The following NBEAL1 variants were observed in gnomAD, a reference collection of about 807,000 sequenced individuals.
NBEAL1 encodes neurobeachin-like protein 1.
NBEAL1 carries 273 observed loss-of-function variants against 351.3 expected under a neutral mutation model. The observed-to-expected ratio is 0.78, with a 90% CI of 0.70 to 0.86. The LOEUF (loss-of-function observed/expected upper bound fraction) is 0.86, where lower values mean the gene tolerates loss of function less well. Ranked by LOEUF, NBEAL1 falls within the 40% of genes least tolerant of loss-of-function variation. NBEAL1 has a pLI of 0.00. For synonymous variants in NBEAL1, 1,050 were observed against 1,086.4 expected, an observed-to-expected ratio of 0.97 and a Z score of 0.66; for missense variants, 2,961 against 3,201.3, an observed-to-expected ratio of 0.92 and a Z score of 1.81.
Position 203,130,619 on chromosome 2 carries a change from C to T in NBEAL1, c.3564+143C>T, listed in dbSNP as rs544947393. On this transcript the variant is annotated intron_variant, in intron 25 of 55. Coordinates refer to ENST00000683969, the MANE Select transcript of NBEAL1 (RefSeq NM_001378026.1). ...TCAACTTATTTTTATATATAGTTTTCATGTTTCAGTTGTTTGCATATTAAA... is the reference window on the plus strand; with the variant it reads ...TCAACTTATTTTTATATATAGTTTTTATGTTTCAGTTGTTTGCATATTAAA... The T allele has an allele frequency of 5.9e-5, 31 of 528,468 alleles. 2 individuals carry two copies. The South Asian group carries it at 2.6e-3, about 44-fold the overall frequency. The allele number at this position is 528,468 out of a possible 1,614,324, so 32.7% of individuals were successfully genotyped here. A position where few individuals can be genotyped will look rare whatever the true frequency, so the allele number is the denominator to read the frequency against.
intron 10 of NBEAL1, chr2:203,085,703 G>T (rs1399107113): frequency 1.3e-5 from 2 of 151,952 alleles, no homozygotes; most frequent in African/African-American, 4.8e-5. Context: ...CCCTTTCAGG[G>T]TCAAATAACA....
Position 203,167,343 on chromosome 2 carries a change from C to T in NBEAL1, c.5980C>T (p.Leu1994Phe). ...IFHVDQSNYF[L>F]NFKKEVRNKI... ...TCATGTTGACCAATCCAACTACTTT[C>T]TCAATTTCAAAAAAGAGGTATGTAT... is the stretch of plus-strand genomic sequence containing the variant. The change falls in exon 38 of 56, where the codon CTC becomes TTC. Residue 1994 changes from leucine (L) to phenylalanine (F), a missense_variant. Coordinates refer to ENST00000683969, the MANE Select transcript of NBEAL1 (RefSeq NM_001378026.1). 1 of 1,605,944 alleles carries T rather than the reference C, an allele frequency of 6.2e-7. No homozygotes were observed. Among genetic ancestry groups the T allele is most frequent in the African/African-American group, 1.3e-5 (1 of 74,336 alleles).
At chr2:203,206,359 C>T (rs1340009668) in intron 51 of NBEAL1, among the ~76,000 whole-genome samples, 2 of 152,084 alleles carry the variant, frequency 1.3e-5, no homozygotes, top group Admixed American at 6.5e-5. Context: ...GCAGAAACTA[C>T]AAGAAAGAAA....
intron 8 of NBEAL1, among the ~76,000 whole-genome samples, chr2:203,078,297 C>G (rs2061813284): frequency 6.6e-6 from 1 of 151,792 alleles, no homozygotes; most frequent in Non-Finnish European, 1.5e-5. Flanking sequence ...AAAAGAATTT[C>G]TAGTATTTTT....
intron 31 of NBEAL1, among the ~76,000 whole-genome samples, chr2:203,142,193 T>A (rs983461734): frequency 5.9e-5 from 9 of 152,204 alleles, no homozygotes; most frequent in African/African-American, 2.2e-4. Flanking sequence ...TCTTGCTCTT[T>A]TGCCCATGGT....
At chr2:203,048,065 C>T (rs2061258951) in intron 3 of NBEAL1, among the ~76,000 whole-genome samples, 1 of 152,100 alleles carries the variant, frequency 6.6e-6, no homozygotes, top group Non-Finnish European at 1.5e-5. Flanking sequence ...TGTGACTCAA[C>T]ATGCCTTGAT....
chr2:203,042,510 A>G lies in NBEAL1; in HGVS notation c.143+654A>G, dbSNP rs137909220. Among the ~76,000 whole-genome samples, 451 of 151,938 alleles carry G rather than the reference A, an allele frequency of 3.0e-3. 4 individuals carry two copies. The highest frequency in any genetic ancestry group is 0.011 in the African/African-American group (435 of 41,404). ...TACTACATAATTGATTATGTGGTTG[A>G]GCTCAATTTCCCTCTCCCTAGAAGT... is the stretch of plus-strand genomic sequence containing the variant. On this transcript the variant is annotated intron_variant, in intron 3 of 55. Coordinates refer to ENST00000683969, the MANE Select transcript of NBEAL1 (RefSeq NM_001378026.1).
chr2:203,183,520 G>A, intron 44 of NBEAL1, 132 bp downstream of exon 44: 2 of 534,610 alleles, frequency 3.7e-6, no homozygotes, highest in Non-Finnish European at 6.6e-6. Context: ...ACTTTAGAAA[G>A]TACAATATAG....
At chr2:203,180,341 T>C (rs1369399854) in intron 42 of NBEAL1, 41 bp from the exon 43 acceptor site, 1 of 1,574,512 alleles carries the variant, frequency 6.4e-7, no homozygotes, top group East Asian at 2.3e-5. Context: ...TTGTTGTTGA[T>C]TTCATTCAAT....
chr2:203,156,851 A>C (rs1165264492), intron 35 of NBEAL1, among the ~76,000 whole-genome samples: 2 of 152,146 alleles, frequency 1.3e-5, no homozygotes, highest in Admixed American at 1.3e-4. Context: ...CAAGTTAAGT[A>C]TGTTAATTTT....
intron 15 of NBEAL1, among the ~76,000 whole-genome samples, chr2:203,110,731 T>A (rs560307988): frequency 7.0e-6 from 1 of 143,666 alleles, no homozygotes; most frequent in Non-Finnish European, 1.5e-5. Flanking sequence ...AACGTTAGGA[T>A]GTCTTAAGGT....
chr2:203,087,330 A>G (rs1010957654), intron 10 of NBEAL1, among the ~76,000 whole-genome samples: 4 of 151,824 alleles, frequency 2.6e-5, no homozygotes, highest in African/African-American at 9.7e-5. Context: ...AGACCTCGTG[A>G]TTCACCTGCC....
intron 31 of NBEAL1, among the ~76,000 whole-genome samples, chr2:203,139,171 AT>A (rs949791163): frequency 1.2e-4 from 18 of 148,902 alleles, no homozygotes; most frequent in South Asian, 2.1e-4. Context: ...TTTATCTCAT[AT>A]TTTTTTTTTA....
At position 203,144,623 on chromosome 2, in the gene NBEAL1, G is replaced by A; in HGVS notation, c.4872G>A (p.Lys1624=). ...AGGTTTGTGCAATGGCATCAGCTAA[G>A]CTAAATACCCTTCTTCAGACCAAAG... is the stretch of plus-strand genomic sequence containing the variant. ...NLQVCAMASA[K]LNTLLQTKVI... The change falls in exon 32 of 56, where the codon AAG becomes AAA. Residue 1624 remains lysine (K), a synonymous_variant. Coordinates refer to ENST00000683969, the MANE Select transcript of NBEAL1 (RefSeq NM_001378026.1). 6.2e-7 allele frequency: 1 copy of A among 1,613,782 alleles called. No homozygotes were observed. Among genetic ancestry groups the A allele is most frequent in the Non-Finnish European group, 8.5e-7 (1 of 1,179,834 alleles).
intron 2 of NBEAL1, among the ~76,000 whole-genome samples, chr2:203,019,632 A>G (rs189102090): frequency 6.6e-6 from 1 of 152,322 alleles, no homozygotes; most frequent in East Asian, 1.9e-4. Context: ...TAACCTTGGC[A>G]CAGATATTCC....
intron 41 of NBEAL1, among the ~76,000 whole-genome samples, chr2:203,174,001 T>C (rs2064405910): frequency 2.0e-5 from 3 of 151,940 alleles, no homozygotes; most frequent in Non-Finnish European, 4.4e-5. Flanking sequence ...TTCAGACCAA[T>C]TATGCATGTA....
intron 54 of NBEAL1, among the ~76,000 whole-genome samples, chr2:203,211,605 C>G (rs2065791653): frequency 6.6e-6 from 1 of 152,178 alleles, no homozygotes; most frequent in South Asian, 2.1e-4. Flanking sequence ...GATCATACAA[C>G]TGCACTGTAG....
intron 2 of NBEAL1, among the ~76,000 whole-genome samples, chr2:203,032,799 G>A (rs945913296): frequency 6.7e-6 from 1 of 148,850 alleles, no homozygotes; most frequent in Non-Finnish European, 1.5e-5. Flanking sequence ...CGAGTAGCTG[G>A]GACTACAGGC....
chr2:203,093,502 A>AC (rs2062112331), intron 10 of NBEAL1, among the ~76,000 whole-genome samples: 1 of 152,176 alleles, frequency 6.6e-6, no homozygotes, highest in Non-Finnish European at 1.5e-5. Context: ...ATTCTTTGAT[A>AC]CCACCTATCA....
Sources: allele counts gnomAD v4.1 joint callset (sites outside exome capture counted in the v4.1 genomes callset), GRCh38; gene constraint gnomAD v4.1.1; transcripts MANE v1.5; gene names NCBI Gene and HGNC (gene_info 2026-07-23, HGNC 2026-07-21).